SLC36A4: variants seen among roughly 807,000 people sequenced by gnomAD.
The protein encoded by SLC36A4 is neutral amino acid uniporter 4.
SLC36A4 carries 49 observed loss-of-function variants against 50.5 expected under a neutral mutation model. The observed-to-expected ratio is 0.97, with a 90% confidence interval of 0.77 to 1.23. The LOEUF (loss-of-function observed/expected upper bound fraction) is 1.23, where lower values mean the gene tolerates loss of function less well. Ranked by LOEUF, SLC36A4 falls within the 50% of genes most tolerant of loss-of-function variation. SLC36A4 has a pLI of 0.00. For missense variants in SLC36A4, 611 were observed against 608.4 expected (o/e 1.00, Z -0.05); for synonymous variants, 207 against 206.5 (o/e 1.00, Z -0.02).
intron 6 of SLC36A4, among the ~76,000 whole-genome samples, chr11:93,175,039 T>C (rs1861389542): frequency 6.6e-6 from 1 of 151,940 alleles, no homozygotes; most frequent in South Asian, 2.1e-4. Context: ...TTCCTCCTTG[T>C]ACCTCTGGTA....
intron 7 of SLC36A4, 76 bp from the exon 8 acceptor site, chr11:93,166,092 C>A (rs1026101380): frequency 6.8e-6 from 9 of 1,323,568 alleles, no homozygotes; most frequent in Non-Finnish European, 8.1e-6. Flanking sequence ...TAAGAAAAAT[C>A]ATATAATTTT....
chr11:93,196,542 G>A (rs1565244605), intron 1 of SLC36A4, among the ~76,000 whole-genome samples: 1 of 152,130 alleles, frequency 6.6e-6, no homozygotes, highest in East Asian at 1.9e-4. Context: ...AATTTTTTGT[G>A]TTTTTAGTAG....
rs2134675523 is a variant in SLC36A4, at chr11:93,174,469, A to C, written c.541-6298T>G. ...TCTCCTGCCTAATTGCCCTGGCCAG[A>C]ACTTCCAACACTATGTTGAATAGGA... On this transcript the variant is annotated intron_variant, in intron 6 of 10. Coordinates refer to ENST00000326402, the MANE Select transcript of SLC36A4 (RefSeq NM_152313.4). Among the ~76,000 whole-genome samples, 3 of 148,330 alleles carry C rather than the reference A, an allele frequency of 2.0e-5. No individual in the cohort carries two copies. The Admixed American group carries it at 2.0e-4, about 10-fold the overall frequency.
In SLC36A4 at chr11:93,182,805, C is replaced by A; in HGVS notation, c.359+1G>T. 3 of 1,599,550 alleles carry A rather than the reference C, an allele frequency of 1.9e-6. No homozygotes were observed. The highest frequency in any genetic ancestry group is 2.6e-6 in the Non-Finnish European group (3 of 1,170,624). ...AATAGGCTTAACAAATCCACATTTA[C>A]CTCAGACATAGAAAGTGACTGCAAC... On this transcript the variant is annotated splice_donor_variant, in intron 4 of 10. Transcript: ENST00000326402. LOFTEE classifies it high-confidence loss of function.
intron 1 of SLC36A4, among the ~76,000 whole-genome samples, chr11:93,190,838 T>G (rs1224685431): frequency 6.6e-6 from 1 of 152,192 alleles, no homozygotes. Flanking sequence ...TAAATACATT[T>G]TTCTAACTAC....
intron 8 of SLC36A4, 103 bp downstream of exon 8, chr11:93,165,815 G>T: frequency 1.5e-6 from 1 of 664,946 alleles, no homozygotes; most frequent in South Asian, 3.1e-5. Context: ...AAAGAAAATT[G>T]AAATAAAAAA....
At chr11:93,157,134 T>C (rs1272976370) in intron 9 of SLC36A4, among the ~76,000 whole-genome samples, 1 of 152,130 alleles carries the variant, frequency 6.6e-6, no homozygotes, top group Non-Finnish European at 1.5e-5. Context: ...TGTCAGGTTT[T>C]TCAAAGATCA....
chr11:93,148,910 TAAGTATTTTCAATACTGAAA>T, intron 10 of SLC36A4, 66 bp from the exon 11 acceptor site: 1 of 1,378,750 alleles, frequency 7.3e-7, no homozygotes, highest in Non-Finnish European at 1.0e-6. Context: ...ATATTAACAG[TAAGTATTTTCAATACTGAAA>T]GTAATTACTA....
intron 6 of SLC36A4, 64 bp downstream of exon 6, chr11:93,180,733 T>C: frequency 2.8e-6 from 3 of 1,062,824 alleles, no homozygotes; most frequent in South Asian, 2.7e-5. Context: ...CCACAGAAGA[T>C]ATATGAAGCC....
At position 93,180,769 on chromosome 11, in the gene SLC36A4, AT is replaced by A. The variant is rs761920470; in HGVS notation, c.540+27del. On this transcript the variant is annotated intron_variant, in intron 6 of 10. Coordinates refer to ENST00000326402, the MANE Select transcript of SLC36A4 (RefSeq NM_152313.4). ...ATAACTAGGGCTTTAGAAGAAAATGATTTCACTAACTGGAGAAAAATACTCA... is the reference window on the plus strand; with the variant it reads ...ATAACTAGGGCTTTAGAAGAAAATGATTCACTAACTGGAGAAAAATACTCA... The A allele has an allele frequency of 2.0e-6, 3 of 1,518,040 alleles. No individual in the cohort carries two copies. In the Admixed American group the frequency reaches 5.1e-5, roughly 26 times the overall value. 94.0% of individuals were successfully genotyped at this position (1,518,040 alleles called of 1,614,324 possible). A position where few individuals can be genotyped will look rare whatever the true frequency, so the allele number is the denominator to read the frequency against.
intron 9 of SLC36A4, chr11:93,160,501 T>G: frequency 1.0e-6 from 1 of 985,244 alleles, no homozygotes; most frequent in East Asian, 1.1e-4. Flanking sequence ...AGGTCAGATG[T>G]AGAAAGGGGC....
At position 93,197,755 on chromosome 11, in the gene SLC36A4, C is replaced by T. The variant is rs567681057; in HGVS notation, c.55+23G>A. 4 of 1,586,924 alleles carry T rather than the reference C, an allele frequency of 2.5e-6. No individual in the cohort carries two copies. In the East Asian group the frequency reaches 7.0e-5, roughly 28 times the overall value. ...ACCCCCGCCCACGTCAGCCCCGGCTCCCTGCCCACGCACAACACCGACCTA... is the reference window on the plus strand; with the variant it reads ...ACCCCCGCCCACGTCAGCCCCGGCTTCCTGCCCACGCACAACACCGACCTA... On this transcript the variant is annotated intron_variant, in intron 1 of 10. Coordinates refer to ENST00000326402, the MANE Select transcript of SLC36A4 (RefSeq NM_152313.4).
Position 93,144,697 on chromosome 11 carries a change from C to T in SLC36A4, c.*3840G>A, listed in dbSNP as rs899456935. ...TCAGAAAGTTTAGCCTAGTAAGTGC[C>T]AATGGCATAAACAAGACTAACCATA... On this transcript the variant is annotated 3_prime_UTR_variant, in exon 11 of 11. Coordinates refer to ENST00000326402, the MANE Select transcript of SLC36A4 (RefSeq NM_152313.4). The T allele has an allele frequency of 2.8e-4, 43 of 152,074 alleles. No individual in the cohort carries two copies. Among genetic ancestry groups the T allele is most frequent in the African/African-American group, 1.0e-3 (42 of 41,528 alleles). 9.4% of individuals were successfully genotyped at this position (152,074 alleles called of 1,614,324 possible).
Position 93,165,945 on chromosome 11 carries a change from A to G in SLC36A4, c.840T>C (p.Ala280=). The change falls in exon 8 of 11, where the codon GCT becomes GCC. Residue 280 remains alanine, a synonymous_variant. Coordinates refer to ENST00000326402, the MANE Select transcript of SLC36A4 (RefSeq NM_152313.4). ...CTCCTATGCCTTCAAAAGCAAATAC[A>G]GCAGTACCAAAAAAGAGTGGGTATT... The part of the protein sequence containing the change: ...WKKYPLFFGT[A]VFAFEGIGVV... 1.2e-6 allele frequency: 2 copies of G among 1,610,350 alleles called. No homozygotes were observed. The highest frequency in any genetic ancestry group is 1.3e-5 in the African/African-American group (1 of 74,956).
Position 93,146,493 on chromosome 11 carries a change from A to C in SLC36A4, c.*2044T>G, listed in dbSNP as rs1342622577. 1 of 152,016 alleles carries C rather than the reference A, an allele frequency of 6.6e-6. No individual in the cohort carries two copies. Among genetic ancestry groups the C allele is most frequent in the East Asian group, 1.9e-4 (1 of 5,174 alleles). 9.4% of individuals were successfully genotyped at this position (152,016 alleles called of 1,614,324 possible). Reference sequence around the variant, plus strand: ...GAATTGATATAAAAGTATCTCAAACAATTACTGTTGATACCTAATGTGAAT... The same window carrying C: ...GAATTGATATAAAAGTATCTCAAACCATTACTGTTGATACCTAATGTGAAT... On this transcript the variant is annotated 3_prime_UTR_variant, in exon 11 of 11. Coordinates refer to ENST00000326402, the MANE Select transcript of SLC36A4 (RefSeq NM_152313.4).
chr11:93,161,325 A>G (rs1860608273), intron 9 of SLC36A4, among the ~76,000 whole-genome samples: 1 of 152,252 alleles, frequency 6.6e-6, no homozygotes, highest in Non-Finnish European at 1.5e-5. Context: ...GAGTTAATAA[A>G]ATAAATGCTA....
At chr11:93,188,741 A>G (rs1025119220) in intron 1 of SLC36A4, among the ~76,000 whole-genome samples, 1 of 152,100 alleles carries the variant, frequency 6.6e-6, no homozygotes, top group African/African-American at 2.4e-5. Flanking sequence ...TTTCTGTTAT[A>G]CTCTATACAA....
In SLC36A4 at chr11:93,157,116, C is replaced by T. The variant is rs563031298; in HGVS notation, c.1038-2839G>A. On this transcript the variant is annotated intron_variant, in intron 9 of 10. Coordinates refer to ENST00000326402, the MANE Select transcript of SLC36A4 (RefSeq NM_152313.4). Reference sequence around the variant, plus strand: ...TGAATAGCGAATCCTTTCCCCATTGCTTGTTTTTGTCAGGTTTTTCAAAGA... The same window carrying T: ...TGAATAGCGAATCCTTTCCCCATTGTTTGTTTTTGTCAGGTTTTTCAAAGA... 6.1e-4 allele frequency among the ~76,000 whole-genome samples: 93 copies of T among 152,214 alleles called. 2 individuals carry two copies. The highest frequency in any genetic ancestry group is 2.1e-3 in the African/African-American group (88 of 41,564).
At chr11:93,161,658 C>T (rs1860622272) in intron 9 of SLC36A4, among the ~76,000 whole-genome samples, 1 of 152,162 alleles carries the variant, frequency 6.6e-6, no homozygotes, top group Non-Finnish European at 1.5e-5. Context: ...GCTGTTGTTG[C>T]TTTTTCACTA....
Sources: gnomAD v4.1 joint callset for allele counts (sites outside exome capture counted in the v4.1 genomes callset) on GRCh38, gnomAD v4.1.1 for gene constraint, MANE v1.5 for transcripts, NCBI Gene and HGNC (gene_info 2026-07-23, HGNC 2026-07-21) for gene names.